NALF1: variants seen among roughly 807,000 people sequenced by gnomAD.
NALF1 encodes family with sequence similarity 155 member A.
Under a neutral mutation model 48.4 loss-of-function variants are expected in NALF1, and 3 were observed. The ratio of observed to expected loss-of-function variants is 0.06; its 90% CI spans 0.03 to 0.16. The LOEUF is 0.16. Ranked by LOEUF, NALF1 falls within the 10% of genes least tolerant of loss-of-function variation. The probability of loss-of-function intolerance (pLI) is 1.00; values close to 1 mark genes in which losing one functional copy is unlikely to be tolerated. For synonymous variants in NALF1, 262 were observed against 245.7 expected (o/e 1.07, Z -0.62); for missense variants, 526 against 571.5 (o/e 0.92, Z 0.81).
rs189846169 is a variant in NALF1 at position 107,570,026 on chromosome 13, T to C, written c.915+295656A>G. Among the ~76,000 whole-genome samples, 634 of 152,304 alleles carry C rather than the reference T, an allele frequency of 4.2e-3. 6 individuals are homozygous for C. The highest frequency in any genetic ancestry group is 0.015 in the African/African-American group (608 of 41,582). On this transcript the variant is annotated intron_variant, in intron 1 of 2. Transcript: ENST00000375915. ...TCCTTGATAGTATAAAGAAATTCAATTGACTTTTTTAGGTAACTTTTGGTT... is the reference window on the plus strand; with the variant it reads ...TCCTTGATAGTATAAAGAAATTCAACTGACTTTTTTAGGTAACTTTTGGTT...
At position 107,464,209 on chromosome 13, in the gene NALF1, T is replaced by C. The variant is rs575314276; in HGVS notation, c.916-253454A>G. Among the ~76,000 whole-genome samples the C allele has an allele frequency of 2.2e-5, 3 of 135,288 alleles. No homozygotes were observed. The East Asian group carries it at 6.1e-4, about 27-fold the overall frequency. The allele number at this position is 135,288 out of a possible 152,430, so 88.8% of individuals were successfully genotyped here. The stretch of plus-strand genomic sequence containing the variant: ...CTCATATGTAAAACAGAAATGCTTT[T>C]ATTTACCAACTCACATTAAAAAAAA... On this transcript the variant is annotated intron_variant, in intron 1 of 2. Coordinates refer to ENST00000375915, the MANE Select transcript of NALF1 (RefSeq NM_001080396.3).
chr13:107,375,974 C>T (rs1883329160), intron 1 of NALF1, among the ~76,000 whole-genome samples: 1 of 151,778 alleles, frequency 6.6e-6, no homozygotes. Flanking sequence ...ATGAATGGGG[C>T]CACCAATGGG....
chr13:107,669,577 C>T (rs894549918), intron 1 of NALF1, among the ~76,000 whole-genome samples: 13 of 152,146 alleles, frequency 8.5e-5, no homozygotes, highest in Non-Finnish European at 1.6e-4. Flanking sequence ...TTATTTACAA[C>T]AGGTTCACAA....
In NALF1 at chr13:107,183,536, A is replaced by G. The variant is rs7996602; in HGVS notation, c.1088-12750T>C. On this transcript the variant is annotated intron_variant, in intron 2 of 2. Transcript: ENST00000375915. ...ATAAATCATTCTACTATAAAGACAC[A>G]TGCACATGTATGTTTATTGCGGCAC... Among the ~76,000 whole-genome samples the G allele has an allele frequency of 2.4e-3, 368 of 152,318 alleles. 1 individual carries two copies. Among genetic ancestry groups the G allele is most frequent in the African/African-American group, 8.2e-3 (342 of 41,560 alleles).
At chr13:107,368,835 C>G (rs952007974) in intron 1 of NALF1, among the ~76,000 whole-genome samples, 3 of 152,224 alleles carry the variant, frequency 2.0e-5, no homozygotes, top group African/African-American at 7.2e-5. Context: ...TTGGGGGCCA[C>G]TATTCACGCC....
At chr13:107,368,019 C>G (rs187227121) in intron 1 of NALF1, among the ~76,000 whole-genome samples, 34 of 152,240 alleles carry the variant, frequency 2.2e-4, no homozygotes, top group African/African-American at 7.9e-4. Context: ...ATAATTTGAG[C>G]GTTTTAATCC....
rs1274848145 is a variant in NALF1 at position 107,362,912 on chromosome 13, A to G, written c.916-152157T>C. On this transcript the variant is annotated intron_variant, in intron 1 of 2. Coordinates refer to ENST00000375915, the MANE Select transcript of NALF1 (RefSeq NM_001080396.3). The surrounding 1 kb of genome is among the most constrained non-coding windows in gnomAD (Gnocchi z 4.6). Reference sequence around the variant, plus strand: ...CCTTTAGGCTCATGATAAAGGTAGAAACTATCTTCTTATATCCCTTTTCAT... The same window carrying G: ...CCTTTAGGCTCATGATAAAGGTAGAGACTATCTTCTTATATCCCTTTTCAT... Among the ~76,000 whole-genome samples, 3 of 152,170 alleles carry G rather than the reference A, an allele frequency of 2.0e-5. No individual in the cohort carries two copies. The highest frequency in any genetic ancestry group is 2.0e-4 in the Admixed American group (3 of 15,266).
intron 1 of NALF1, among the ~76,000 whole-genome samples, chr13:107,479,225 T>C (rs1885217134): frequency 6.6e-6 from 1 of 152,142 alleles, no homozygotes; most frequent in African/African-American, 2.4e-5. Context: ...TCCTGAACAT[T>C]GGAAACATCT....
At chr13:107,721,800 C>A (rs1875993889) in intron 1 of NALF1, among the ~76,000 whole-genome samples, 1 of 152,184 alleles carries the variant, frequency 6.6e-6, no homozygotes, top group African/African-American at 2.4e-5. Context: ...TCTCTGTTCT[C>A]TCCCGGAGGA....
intron 1 of NALF1, among the ~76,000 whole-genome samples, chr13:107,763,522 T>C (rs1265820039): frequency 8.7e-6 from 1 of 115,050 alleles, no homozygotes; most frequent in Non-Finnish European, 1.9e-5. Context: ...CAGATAAAAA[T>C]AGTAGATAAG....
At position 107,177,942 on chromosome 13, in the gene NALF1, G is replaced by A. The variant is rs376922252; in HGVS notation, c.1088-7156C>T. 9.9e-5 allele frequency among the ~76,000 whole-genome samples: 15 copies of A among 152,268 alleles called. No individual in the cohort carries two copies. The East Asian group carries it at 2.3e-3, about 23-fold the overall frequency. The stretch of plus-strand genomic sequence containing the variant: ...GCAAGCCTGTAATCCCAGCTATGGG[G>A]AGCCTGAGGCAGGAGAATCGCTTGA... On this transcript the variant is annotated intron_variant, in intron 2 of 2. Coordinates refer to ENST00000375915, the MANE Select transcript of NALF1 (RefSeq NM_001080396.3).
At chr13:107,495,676 A>T (rs1276297208) in intron 1 of NALF1, among the ~76,000 whole-genome samples, 2 of 152,244 alleles carry the variant, frequency 1.3e-5, no homozygotes, top group East Asian at 3.9e-4. Flanking sequence ...ATAAAGCATC[A>T]TTTTTTTGAA....
chr13:107,618,992 G>A (rs78689109), intron 1 of NALF1, among the ~76,000 whole-genome samples: 7,210 of 152,248 alleles, frequency 0.047, 601 homozygotes, highest in African/African-American at 0.17. Flanking sequence ...GGAACAGTGC[G>A]GTTACACAGA....
rs557315831 is a variant in NALF1, at chr13:107,709,497, A to G, written c.915+156185T>C. On this transcript the variant is annotated intron_variant, in intron 1 of 2. Coordinates refer to ENST00000375915, the MANE Select transcript of NALF1 (RefSeq NM_001080396.3). ...CTCATTGCATGCTAACCAACCATCT[A>G]TCTAACCACAAATGTGCTTCACAAG... Among the ~76,000 whole-genome samples, 4 of 152,370 alleles carry G rather than the reference A, an allele frequency of 2.6e-5. No individual in the cohort carries two copies. In the South Asian group the frequency reaches 6.2e-4, roughly 24 times the overall value.
At chr13:107,790,400 T>A (rs573464279) in intron 1 of NALF1, among the ~76,000 whole-genome samples, 3 of 152,290 alleles carry the variant, frequency 2.0e-5, no homozygotes, top group African/African-American at 7.2e-5. Context: ...ACTAATTTTA[T>A]TTTGGAAGCT....
chr13:107,702,825 T>C (rs9514726), intron 1 of NALF1, among the ~76,000 whole-genome samples: 151,010 of 152,238 alleles, frequency 0.99, 74,905 homozygotes, highest in East Asian at 1. Context: ...TGTTAGTTTG[T>C]TGAGGATAAC....
intron 1 of NALF1, among the ~76,000 whole-genome samples, chr13:107,583,010 T>G (rs1373495515): frequency 6.6e-6 from 1 of 152,148 alleles, no homozygotes; most frequent in East Asian, 1.9e-4. Context: ...CATCCTTTCA[T>G]CATTTATGGC....
chr13:107,201,947 G>T lies in NALF1; in HGVS notation c.1087+8637C>A, dbSNP rs180755712. Among the ~76,000 whole-genome samples, 164 of 152,218 alleles carry T rather than the reference G, an allele frequency of 1.1e-3. 1 individual carries two copies. The highest frequency in any genetic ancestry group is 3.8e-3 in the African/African-American group (157 of 41,528). ...CGGCATTTTCAGACTCTCTATGCCTGGGTTCGTCACTCTTTTGACCCCATA... is the reference window on the plus strand; with the variant it reads ...CGGCATTTTCAGACTCTCTATGCCTTGGTTCGTCACTCTTTTGACCCCATA... On this transcript the variant is annotated intron_variant, in intron 2 of 2. Coordinates refer to ENST00000375915, the MANE Select transcript of NALF1 (RefSeq NM_001080396.3).
At chr13:107,259,394 C>T (rs567988341) in intron 1 of NALF1, among the ~76,000 whole-genome samples, 81 of 152,202 alleles carry the variant, frequency 5.3e-4, no homozygotes, top group African/African-American at 1.9e-3. Context: ...CAGGAAAAAC[C>T]GCAAATGCTG....
Sources: gnomAD v4.1 joint callset for allele counts (sites outside exome capture counted in the v4.1 genomes callset) on GRCh38, gnomAD v4.1.1 for gene constraint, Gnocchi (gnomAD v3.1) non-coding constraint, MANE v1.5 for transcripts, NCBI Gene and HGNC (gene_info 2026-07-23, HGNC 2026-07-21) for gene names.